PGM2: variants seen among roughly 807,000 people sequenced by gnomAD.
PGM2 encodes phosphoglucomutase 2.
In PGM2, 57 loss-of-function variants were observed where a neutral mutation model predicts 74.6. That is an observed-to-expected ratio of 0.76 (90% confidence interval 0.62 to 0.95). The LOEUF is 0.95. PGM2 is among the 40% of genes least tolerant of loss of function. The pLI, the probability that PGM2 is intolerant of heterozygous loss-of-function variation, is 0.00. For synonymous variants in PGM2, 273 were observed against 260.7 expected (o/e 1.05, Z -0.46); for missense variants, 706 against 741.9 (o/e 0.95, Z 0.56).
chr4:37,839,608 A>G, intron 4 of PGM2: 1 of 632,636 alleles, frequency 1.6e-6, no homozygotes, highest in Non-Finnish European at 2.9e-6. Context: ...TGGAATGAGA[A>G]GGCACTGAGG....
intron 2 of PGM2, among the ~76,000 whole-genome samples, chr4:37,832,423 G>A (rs1725464165): frequency 6.6e-6 from 1 of 152,276 alleles, no homozygotes; most frequent in Middle Eastern, 3.4e-3. Context: ...TGGTGGCATA[G>A]GTGCCCTTCC....
intron 12 of PGM2, among the ~76,000 whole-genome samples, chr4:37,854,064 T>G (rs1726121722): frequency 6.6e-6 from 1 of 152,182 alleles, no homozygotes. Flanking sequence ...TTCTCATCCA[T>G]GTCTCCTTCC....
rs997816489 is a variant in PGM2 at position 37,862,832 on chromosome 4, C to T, written c.*1220C>T. On this transcript the variant is annotated 3_prime_UTR_variant, in exon 14 of 14. Coordinates refer to ENST00000381967, the MANE Select transcript of PGM2 (RefSeq NM_018290.4). ...CCAGAACTCTTAAATCTATAATATT[C>T]GATATATTCTACAAACTGCTTTATT... 1.1e-4 allele frequency: 16 copies of T among 151,944 alleles called. No homozygotes were observed. The highest frequency in any genetic ancestry group is 3.9e-4 in the African/African-American group (16 of 41,448). The allele number at this position is 151,944 out of a possible 1,614,324, so 9.4% of individuals were successfully genotyped here. A position where few individuals can be genotyped will look rare whatever the true frequency, so the allele number is the denominator to read the frequency against.
chr4:37,852,701 T>C (rs1464151393), intron 12 of PGM2, among the ~76,000 whole-genome samples: 1 of 152,236 alleles, frequency 6.6e-6, no homozygotes, highest in Non-Finnish European at 1.5e-5. Flanking sequence ...GCCTACTGTA[T>C]GCTGTATGTA....
intron 6 of PGM2, among the ~76,000 whole-genome samples, chr4:37,843,060 A>G (rs1725773512): frequency 1.3e-5 from 2 of 152,226 alleles, no homozygotes; most frequent in Middle Eastern, 3.2e-3. Context: ...AGAGTGGTTA[A>G]TAGCCAGCAG....
rs566416963 is a variant in PGM2 at position 37,852,643 on chromosome 4, G to A, written c.1602+2270G>A. Among the ~76,000 whole-genome samples, 380 of 152,308 alleles carry A rather than the reference G, an allele frequency of 2.5e-3. 1 individual carries two copies. The highest frequency in any genetic ancestry group is 3.9e-3 in the Non-Finnish European group (268 of 68,016). ...TTGCTCCATTATTGTTGGGCTTCCA[G>A]CATTGCTATTGAGCCTCCAATCCTT... On this transcript the variant is annotated intron_variant, in intron 12 of 13. Coordinates refer to ENST00000381967, the MANE Select transcript of PGM2 (RefSeq NM_018290.4).
chr4:37,844,975 C>CAAAAA (rs35469320), intron 7 of PGM2, among the ~76,000 whole-genome samples: 3 of 94,304 alleles, frequency 3.2e-5, no homozygotes, highest in Non-Finnish European at 4.5e-5. Context: ...GACTTTGTCT[C>CAAAAA]AAAAAAAAAA....
At chr4:37,830,317 A>C (rs566848984) in intron 2 of PGM2, among the ~76,000 whole-genome samples, 186 bp downstream of exon 2, 6 of 152,336 alleles carry the variant, frequency 3.9e-5, no homozygotes, top group Non-Finnish European at 1.5e-5. Flanking sequence ...TTCAGGACTC[A>C]TATAGCCATC....
At chr4:37,857,958 G>A (rs1711587427) in intron 13 of PGM2, among the ~76,000 whole-genome samples, 1 of 152,036 alleles carries the variant, frequency 6.6e-6, no homozygotes, top group Admixed American at 6.6e-5. Context: ...CTTTTAAAAA[G>A]AAATGGACAG....
In PGM2 at chr4:37,828,840, T is replaced by C. The variant is rs149548261; in HGVS notation, c.82-1124T>C. Among the ~76,000 whole-genome samples the C allele has an allele frequency of 2.1e-3, 323 of 152,300 alleles. 1 individual carries two copies. The highest frequency in any genetic ancestry group is 7.3e-3 in the African/African-American group (303 of 41,560). On this transcript the variant is annotated intron_variant, in intron 1 of 13. Coordinates refer to ENST00000381967, the MANE Select transcript of PGM2 (RefSeq NM_018290.4). The stretch of plus-strand genomic sequence containing the variant: ...TTATGTACCTGATCTGAGCCTTTCT[T>C]TGGGGCACCTGACAATCTGATAGGT...
chr4:37,854,267 A>G (rs1356455685), intron 12 of PGM2, among the ~76,000 whole-genome samples: 3 of 152,082 alleles, frequency 2.0e-5, no homozygotes, highest in East Asian at 3.8e-4. Context: ...TAAATATACC[A>G]TTTCCTCAAG....
chr4:37,856,454 T>TC (rs1726201952), intron 13 of PGM2, among the ~76,000 whole-genome samples: 2 of 152,210 alleles, frequency 1.3e-5, no homozygotes, highest in Admixed American at 6.6e-5. Flanking sequence ...TGAGTACCCA[T>TC]TGTAGACAGG....
chr4:37,827,451 CCT>C (rs1403950072), intron 1 of PGM2, among the ~76,000 whole-genome samples: 1 of 152,028 alleles, frequency 6.6e-6, no homozygotes, highest in African/African-American at 2.4e-5. Flanking sequence ...CACTCCCTCT[CCT>C]CTCTATAAAC....
chr4:37,855,330 A>G (rs187669283), intron 12 of PGM2, among the ~76,000 whole-genome samples: 1 of 152,276 alleles, frequency 6.6e-6, no homozygotes, highest in Non-Finnish European at 1.5e-5. Context: ...ATTTCACTCA[A>G]CATAATGTCT....
rs1394879440 is a variant in PGM2, at chr4:37,840,086, T to C, written c.546T>C (p.Ala182=). 6.2e-7 allele frequency: 1 copy of C among 1,613,758 alleles called. No individual in the cohort carries two copies. The highest frequency in any genetic ancestry group is 1.7e-5 in the Admixed American group (1 of 60,002). The part of the protein sequence containing the change: ...NGYKVYWDNG[A]QIISPHDKGI... ...TCTAGGTCTATTGGGATAATGGAGC[T>C]CAGATCATTTCTCCTCACGATAAAG... The change falls in exon 6 of 14, where the codon GCT becomes GCC. Residue 182 remains alanine, a synonymous_variant. Transcript: ENST00000381967.
chr4:37,835,394 A>G (rs753964363), intron 3 of PGM2, among the ~76,000 whole-genome samples: 4 of 151,932 alleles, frequency 2.6e-5, no homozygotes, highest in Non-Finnish European at 5.9e-5. Context: ...CATCACCACT[A>G]CTCACCTCTC....
At chr4:37,844,788 C>T (rs1387511499) in intron 7 of PGM2, among the ~76,000 whole-genome samples, 3 of 151,934 alleles carry the variant, frequency 2.0e-5, no homozygotes, top group Non-Finnish European at 4.4e-5. Flanking sequence ...GCCAACATGG[C>T]AAAACCCTGT....
intron 13 of PGM2, 111 bp from the exon 14 acceptor site, chr4:37,861,399 G>A: frequency 1.5e-6 from 1 of 660,110 alleles, no homozygotes; most frequent in South Asian, 2.1e-5. Context: ...TTCCTATTTA[G>A]TCCTCTTCTT....
chr4:37,839,611 C>T (rs951204830), intron 4 of PGM2: 1 of 636,408 alleles, frequency 1.6e-6, no homozygotes, highest in African/African-American at 1.8e-5. Flanking sequence ...AATGAGAAGG[C>T]ACTGAGGAAA....
Sources: gnomAD v4.1 joint callset for allele counts (sites outside exome capture counted in the v4.1 genomes callset) on GRCh38, gnomAD v4.1.1 for gene constraint, MANE v1.5 for transcripts, NCBI Gene and HGNC (gene_info 2026-07-23, HGNC 2026-07-21) for gene names.